PKIB: variants seen among roughly 807,000 people sequenced by gnomAD.
The protein encoded by PKIB is cAMP-dependent protein kinase inhibitor beta, also known as PKI-beta.
Under a neutral mutation model 4.5 loss-of-function variants are expected in PKIB, and 2 were observed. The ratio of observed to expected loss-of-function variants is 0.44; its 90% CI spans 0.18 to 1.39. The LOEUF (loss-of-function observed/expected upper bound fraction) is 1.39. Ranked by LOEUF, PKIB falls within the 40% of genes most tolerant of loss-of-function variation. The probability of loss-of-function intolerance (pLI) is 0.27; values close to 1 mark genes in which losing one functional copy is unlikely to be tolerated. For missense variants in PKIB, 94 were observed against 92.6 expected, an observed-to-expected ratio of 1.02 and a Z score of -0.06; for synonymous variants, 38 against 36.0, an observed-to-expected ratio of 1.06 and a Z score of -0.20.
At chr6:122,516,256 C>T (rs1240121698) in intron 2 of PKIB, among the ~76,000 whole-genome samples, 3 of 152,172 alleles carry the variant, frequency 2.0e-5, no homozygotes, top group Non-Finnish European at 4.4e-5. Context: ...TTCTGCTTCT[C>T]TCATCATTCA....
chr6:122,598,900 G>A (rs1316687863), intron 3 of PKIB, among the ~76,000 whole-genome samples: 1 of 152,030 alleles, frequency 6.6e-6, no homozygotes, highest in African/African-American at 2.4e-5. Flanking sequence ...CCAATTCTAT[G>A]TTCCTTCCAC....
chr6:122,632,013 A>G (rs12192353), intron 1 of PKIB, among the ~76,000 whole-genome samples: 22,927 of 152,156 alleles, frequency 0.15, 2,217 homozygotes, highest in Middle Eastern at 0.23. Flanking sequence ...TGGAGGATGG[A>G]TTCGAAGGGG....
At chr6:122,579,712 A>G (rs1052394075) in intron 2 of PKIB, among the ~76,000 whole-genome samples, 1 of 152,198 alleles carries the variant, frequency 6.6e-6, no homozygotes. Flanking sequence ...TCTAGGCCCC[A>G]TGTATCAAGA....
intron 2 of PKIB, among the ~76,000 whole-genome samples, chr6:122,544,934 A>G (rs567936498): frequency 1.3e-5 from 2 of 152,122 alleles, no homozygotes; most frequent in Non-Finnish European, 2.9e-5. Flanking sequence ...CAAAACCACA[A>G]TGAGATACCA....
At chr6:122,702,139 G>T (rs1231222233) in intron 3 of PKIB, among the ~76,000 whole-genome samples, 1 of 151,876 alleles carries the variant, frequency 6.6e-6, no homozygotes, top group East Asian at 1.9e-4. Flanking sequence ...ACTTATGAAC[G>T]AAAATGAAAC....
upstream of PKIB, among the ~76,000 whole-genome samples, chr6:122,607,918 A>G (rs1017763078): frequency 6.6e-5 from 10 of 152,178 alleles, no homozygotes; most frequent in African/African-American, 2.2e-4. Context: ...TCATCCTCTC[A>G]GTTCTGGATC....
chr6:122,480,034 C>T (rs1489119989), intron 2 of PKIB: 3 of 150,982 alleles, frequency 2.0e-5, no homozygotes, highest in African/African-American at 7.3e-5. Context: ...TAGTGGCAAC[C>T]ATAGTCAATT....
intron 1 of PKIB, among the ~76,000 whole-genome samples, chr6:122,622,046 G>GGAGAA (rs1775252530): frequency 6.6e-6 from 1 of 152,144 alleles, no homozygotes; most frequent in Non-Finnish European, 1.5e-5. Flanking sequence ...GTGGAACTAA[G>GGAGAA]GAGAAGTCAA....
At chr6:122,569,988 A>C (rs1594421) in intron 2 of PKIB, among the ~76,000 whole-genome samples, 151,727 of 152,246 alleles carry the variant, frequency 1, 75,607 homozygotes, top group Middle Eastern at 1. Flanking sequence ...TACACCACTG[A>C]AGACACAGCT....
chr6:122,691,518 G>A (rs769903667), intron 3 of PKIB, among the ~76,000 whole-genome samples: 1 of 151,976 alleles, frequency 6.6e-6, no homozygotes, highest in Non-Finnish European at 1.5e-5. Context: ...TTCACCTCCA[G>A]AATTTCTGCT....
intron 3 of PKIB, among the ~76,000 whole-genome samples, chr6:122,701,697 G>A (rs1175269257): frequency 1.3e-5 from 2 of 152,138 alleles, no homozygotes; most frequent in Non-Finnish European, 1.5e-5. Context: ...TTCTGAAATG[G>A]TTGGGCATGT....
At chr6:122,591,219 C>CA (rs777797476) in intron 3 of PKIB, among the ~76,000 whole-genome samples, 14,152 of 145,218 alleles carry the variant, frequency 0.097, 777 homozygotes, top group East Asian at 0.25. Context: ...CACACACACA[C>CA]CCCCCACATA....
chr6:122,547,321 C>T (rs971107266), intron 2 of PKIB, among the ~76,000 whole-genome samples: 11 of 151,890 alleles, frequency 7.2e-5, no homozygotes, highest in Non-Finnish European at 1.5e-4. Context: ...TGGTTTTATT[C>T]AGCAGCTTTC....
chr6:122,662,307 C>CT (rs1777029246), intron 2 of PKIB, among the ~76,000 whole-genome samples: 1 of 14,514 alleles, frequency 6.9e-5, no homozygotes, highest in Non-Finnish European at 1.8e-4. Context: ...TTCCTTGTCT[C>CT]CTTTTTTTTT....
chr6:122,660,409 C>T (rs555025736), intron 2 of PKIB, among the ~76,000 whole-genome samples: 10 of 152,306 alleles, frequency 6.6e-5, no homozygotes, highest in African/African-American at 2.2e-4. Context: ...AAGAGTTAAA[C>T]GTATTCTCCT....
intron 1 of PKIB, chr6:122,477,809 T>C (rs1775489327): frequency 6.6e-6 from 1 of 152,210 alleles, no homozygotes; most frequent in South Asian, 2.1e-4. Flanking sequence ...TAAAGCTCTT[T>C]CTACTGAGTG....
intron 2 of PKIB, among the ~76,000 whole-genome samples, chr6:122,657,211 A>T (rs996706569): frequency 6.6e-6 from 1 of 152,146 alleles, no homozygotes; most frequent in Non-Finnish European, 1.5e-5. Flanking sequence ...TAAACGAATG[A>T]ATGATGACCA....
At chr6:122,607,290 A>G (rs1007420863), upstream of PKIB, among the ~76,000 whole-genome samples, 2 of 152,048 alleles carry the variant, frequency 1.3e-5, no homozygotes, top group African/African-American at 4.8e-5. Flanking sequence ...CCTGGCCAAC[A>G]TAGCAAAACC....
chr6:122,660,493 CG>C (rs1294378473), intron 2 of PKIB, among the ~76,000 whole-genome samples: 1 of 152,098 alleles, frequency 6.6e-6, no homozygotes, highest in Non-Finnish European at 1.5e-5. Flanking sequence ...ACCACAGATA[CG>C]GTCACGTTCT....
Sources: allele counts gnomAD v4.1 joint callset (sites outside exome capture counted in the v4.1 genomes callset), GRCh38; gene constraint gnomAD v4.1.1; transcripts MANE v1.5; gene names NCBI Gene and HGNC (gene_info 2026-07-23, HGNC 2026-07-21).